The following FBXL13 variants were observed in gnomAD, a reference collection of about 807,000 sequenced individuals.
The protein encoded by FBXL13 is F-box and leucine rich repeat protein 13.
In FBXL13, 67 loss-of-function variants were observed where a neutral mutation model predicts 83.6. The ratio of observed to expected loss-of-function variants is 0.80; its 90% CI spans 0.66 to 0.98. FBXL13 has a LOEUF of 0.98. Among genes scored for constraint, FBXL13 ranks in the 50% least tolerant of loss-of-function variants. The pLI is 0.00. For synonymous variants in FBXL13, 272 were observed against 299.5 expected (o/e 0.91, Z 0.95); for missense variants, 822 against 866.5 (o/e 0.95, Z 0.64).
intron 2 of FBXL13, among the ~76,000 whole-genome samples, chr7:103,051,320 G>T (rs1183824817): frequency 6.6e-6 from 1 of 152,158 alleles, no homozygotes; most frequent in East Asian, 1.9e-4. Context: ...CCTCTAACTG[G>T]ATCCAAGCCA....
rs1296968080 is a variant in FBXL13, at chr7:102,964,059, C to T, written c.592-394G>A. Among the ~76,000 whole-genome samples, 10 of 152,046 alleles carry T rather than the reference C, an allele frequency of 6.6e-5. 1 individual carries two copies. Among genetic ancestry groups the T allele is most frequent in the Admixed American group, 6.5e-4 (10 of 15,274 alleles). On this transcript the variant is annotated intron_variant, in intron 7 of 19. Transcript: ENST00000313221. ...GGCACGGTGGCTCATGCCTGTAATC[C>T]CAGCACCTTGGGAGGCCAAAGCGGG... is the stretch of plus-strand genomic sequence containing the variant.
At chr7:103,037,976 G>A (rs1795240400) in intron 2 of FBXL13, among the ~76,000 whole-genome samples, 1 of 152,114 alleles carries the variant, frequency 6.6e-6, no homozygotes, top group Non-Finnish European at 1.5e-5. Context: ...CACAGAGGGC[G>A]AGCTGAAGCA....
At chr7:102,855,938 A>G (rs1444675405) in intron 16 of FBXL13, among the ~76,000 whole-genome samples, 1 of 151,158 alleles carries the variant, frequency 6.6e-6, no homozygotes, top group African/African-American at 2.4e-5. Context: ...TGTTTTATTT[A>G]AGCCTCTGCT....
chr7:102,998,636 T>C (rs908855186), intron 6 of FBXL13, among the ~76,000 whole-genome samples: 12 of 152,116 alleles, frequency 7.9e-5, no homozygotes, highest in African/African-American at 2.9e-4. Context: ...GATTATCAGT[T>C]CTAACAGTTT....
chr7:103,045,848 G>T (rs1384957573), intron 2 of FBXL13, among the ~76,000 whole-genome samples: 3 of 152,320 alleles, frequency 2.0e-5, no homozygotes, highest in Non-Finnish European at 4.4e-5. Flanking sequence ...GCCACTCTCA[G>T]TTACCATCAT....
At chr7:103,024,833 GTATATA>G (rs1232363692) in intron 6 of FBXL13, among the ~76,000 whole-genome samples, 100 of 95,946 alleles carry the variant, frequency 1.0e-3, no homozygotes, top group East Asian at 2.3e-3. Context: ...ATATATATGT[GTATATA>G]TATATATATA....
chr7:102,924,163 G>C (rs780619506), intron 10 of FBXL13, among the ~76,000 whole-genome samples: 1 of 151,818 alleles, frequency 6.6e-6, no homozygotes, highest in Non-Finnish European at 1.5e-5. Context: ...GCTTGAACCT[G>C]GGAGGCGAAG....
intron 6 of FBXL13, among the ~76,000 whole-genome samples, chr7:103,005,616 C>A (rs1308389948): frequency 3.3e-5 from 5 of 152,162 alleles, no homozygotes; most frequent in African/African-American, 1.2e-4. Context: ...AGAAAGCCAC[C>A]TTCTCATTGC....
intron 16 of FBXL13, among the ~76,000 whole-genome samples, chr7:102,873,757 C>T (rs1808853080): frequency 6.6e-6 from 1 of 152,184 alleles, no homozygotes; most frequent in African/African-American, 2.4e-5. Context: ...ATACTTCTCG[C>T]CAATAAGCCA....
At chr7:103,063,560 C>T (rs1251183487) in intron 1 of FBXL13, among the ~76,000 whole-genome samples, 1 of 152,080 alleles carries the variant, frequency 6.6e-6, no homozygotes, top group Non-Finnish European at 1.5e-5. Flanking sequence ...CTACTTTTCT[C>T]TTTCACAATG....
intron 2 of FBXL13, among the ~76,000 whole-genome samples, chr7:103,038,911 C>T (rs1048717200): frequency 2.0e-5 from 3 of 152,170 alleles, no homozygotes. Flanking sequence ...AGGGCCTATT[C>T]TCTTCCAAAG....
chr7:102,878,025 T>C (rs1462050518), intron 15 of FBXL13, among the ~76,000 whole-genome samples: 1 of 151,928 alleles, frequency 6.6e-6, no homozygotes, highest in Non-Finnish European at 1.5e-5. Context: ...AAAGATAATC[T>C]CCTGGAAAAG....
Position 102,821,219 on chromosome 7 carries a change from C to T in FBXL13, c.2018+821G>A, listed in dbSNP as rs149818189. On this transcript the variant is annotated intron_variant, in intron 19 of 19. Transcript: ENST00000313221. Reference sequence around the variant, plus strand: ...ATATCAGAGTTATCTCCAGACCTATCAGGAAGGGTTGAGTCTCCAACCCTC... The same window carrying T: ...ATATCAGAGTTATCTCCAGACCTATTAGGAAGGGTTGAGTCTCCAACCCTC... 8.7e-4 allele frequency among the ~76,000 whole-genome samples: 132 copies of T among 152,258 alleles called. 1 individual carries two copies. The highest frequency in any genetic ancestry group is 3.1e-3 in the African/African-American group (130 of 41,562).
At chr7:102,878,393 T>A in exon 15 of FBXL13, 1 of 1,610,578 alleles carries the variant, frequency 6.2e-7, no homozygotes, top group Non-Finnish European at 8.5e-7. Flanking sequence ...AATTTAGCTC[T>A]CTTATCCTCA....
chr7:102,858,495 T>C (rs1438901666), intron 16 of FBXL13, among the ~76,000 whole-genome samples: 2 of 152,100 alleles, frequency 1.3e-5, no homozygotes, highest in African/African-American at 2.4e-5. Context: ...CTAACTACCA[T>C]GATTAGATCA....
At chr7:103,050,468 T>C (rs1207444791) in intron 2 of FBXL13, among the ~76,000 whole-genome samples, 1 of 152,242 alleles carries the variant, frequency 6.6e-6, no homozygotes, top group Non-Finnish European at 1.5e-5. Context: ...TTAGCCACTC[T>C]GCTTAGCACC....
At chr7:102,913,015 G>A (rs1584901960) in intron 11 of FBXL13, 71 bp downstream of exon 12, 3 of 1,602,886 alleles carry the variant, frequency 1.9e-6, no homozygotes, top group East Asian at 2.2e-5. Flanking sequence ...TATAACGTGA[G>A]GGCTGAATGC....
At chr7:102,895,793 T>C (rs1812182068) in intron 11 of FBXL13, among the ~76,000 whole-genome samples, 1 of 152,226 alleles carries the variant, frequency 6.6e-6, no homozygotes, top group African/African-American at 2.4e-5. Context: ...AGGATAGCTT[T>C]GTTCTCCCCA....
At chr7:103,019,508 C>G (rs1353844905) in intron 6 of FBXL13, among the ~76,000 whole-genome samples, 2 of 152,068 alleles carry the variant, frequency 1.3e-5, no homozygotes, top group East Asian at 3.9e-4. Flanking sequence ...ACACAAAAAT[C>G]CCTTCAAAAA....
Sources: gnomAD v4.1 joint callset for allele counts (sites outside exome capture counted in the v4.1 genomes callset) on GRCh38, gnomAD v4.1.1 for gene constraint, MANE v1.5 for transcripts, NCBI Gene and HGNC (gene_info 2026-07-23, HGNC 2026-07-21) for gene names.